The following FAF1 variants were observed in gnomAD, a reference collection of about 807,000 sequenced individuals.
FAF1 encodes Fas associated factor 1, also known as FAS-associated factor 1.
FAF1 carries 25 observed loss-of-function variants against 92.5 expected under a neutral mutation model. The ratio of observed to expected loss-of-function variants is 0.27; its 90% confidence interval spans 0.20 to 0.38. The LOEUF is 0.38. Ranked by LOEUF, FAF1 falls within the 10% of genes least tolerant of loss-of-function variation. The pLI, the probability that FAF1 is intolerant of heterozygous loss-of-function variation, is 1.00. For synonymous variants in FAF1, 234 were observed against 273.2 expected (o/e 0.86, Z 1.42); for missense variants, 636 against 793.3 (o/e 0.80, Z 2.38).
At chr1:50,929,011 G>A (rs1238268016) in intron 1 of FAF1, among the ~76,000 whole-genome samples, 4 of 146,612 alleles carry the variant, frequency 2.7e-5, no homozygotes, top group Non-Finnish European at 4.4e-5. Flanking sequence ...GGCACAGGTT[G>A]CAGTGAGCCA....
chr1:50,846,201 T>C (rs1379565287), intron 2 of FAF1, among the ~76,000 whole-genome samples: 3 of 151,638 alleles, frequency 2.0e-5, no homozygotes, highest in African/African-American at 7.3e-5. Context: ...GTCTATACTA[T>C]GCTACATACG....
intron 1 of FAF1, among the ~76,000 whole-genome samples, chr1:50,867,489 AAAAC>A (rs879900581): frequency 3.3e-5 from 5 of 152,162 alleles, no homozygotes; most frequent in Non-Finnish European, 7.4e-5. Flanking sequence ...CAGCAAGAAA[AAAAC>A]AAACAATCCT....
chr1:50,664,219 A>G lies in FAF1; in HGVS notation c.658-8691T>C, dbSNP rs990021453. ...CACCATGTTGGCCAGGATGGTCTCGATCTCTTGACCTCGTGATCCGCCCAC... is the reference window on the plus strand; with the variant it reads ...CACCATGTTGGCCAGGATGGTCTCGGTCTCTTGACCTCGTGATCCGCCCAC... On this transcript the variant is annotated intron_variant, in intron 7 of 18. Coordinates refer to ENST00000396153, the MANE Select transcript of FAF1 (RefSeq NM_007051.3). 2.7e-5 allele frequency among the ~76,000 whole-genome samples: 4 copies of G among 150,414 alleles called. No homozygotes were observed. In the East Asian group the frequency reaches 8.0e-4, roughly 30 times the overall value.
chr1:50,764,425 C>G (rs892116233), intron 4 of FAF1, among the ~76,000 whole-genome samples: 5 of 152,194 alleles, frequency 3.3e-5, no homozygotes, highest in African/African-American at 9.6e-5. Flanking sequence ...CTGCATGTTT[C>G]CCTATGTAGC....
chr1:50,712,914 C>A (rs895943463), intron 6 of FAF1, among the ~76,000 whole-genome samples: 2 of 151,944 alleles, frequency 1.3e-5, no homozygotes, highest in African/African-American at 4.8e-5. Flanking sequence ...GTAATCTGAA[C>A]ACTTTGGGAG....
chr1:50,761,727 A>G (rs1273653280), intron 4 of FAF1, among the ~76,000 whole-genome samples: 2 of 152,210 alleles, frequency 1.3e-5, no homozygotes, highest in African/African-American at 4.8e-5. Context: ...CCCACAACCA[A>G]TATCATACTG....
chr1:50,487,131 T>C (rs903881715), intron 17 of FAF1, among the ~76,000 whole-genome samples: 1 of 152,224 alleles, frequency 6.6e-6, no homozygotes, highest in Admixed American at 6.5e-5. Flanking sequence ...GGGGTTAGTA[T>C]TCACTACATT....
At chr1:50,894,773 G>A (rs1246332670) in intron 1 of FAF1, among the ~76,000 whole-genome samples, 4 of 152,016 alleles carry the variant, frequency 2.6e-5, no homozygotes, top group Admixed American at 2.0e-4. Flanking sequence ...ATGACCAGTG[G>A]GTCAATGAAC....
intron 7 of FAF1, among the ~76,000 whole-genome samples, chr1:50,684,901 G>A (rs74621392): frequency 1.3e-5 from 2 of 152,104 alleles, no homozygotes; most frequent in Admixed American, 6.5e-5. Flanking sequence ...ACCCCTCCTC[G>A]AAGAGTATAT....
intron 8 of FAF1, among the ~76,000 whole-genome samples, chr1:50,619,327 T>C (rs1653082007): frequency 6.6e-6 from 1 of 152,222 alleles, no homozygotes; most frequent in African/African-American, 2.4e-5. Context: ...TGCTTTTCAG[T>C]GTCTGTGGGC....
chr1:50,616,505 T>G (rs1652919420), intron 8 of FAF1, among the ~76,000 whole-genome samples: 1 of 152,160 alleles, frequency 6.6e-6, no homozygotes, highest in South Asian at 2.1e-4. Flanking sequence ...TCATCTCTGA[T>G]TTCTTTCAGC....
At chr1:50,575,811 T>C (rs1650703727) in intron 12 of FAF1, among the ~76,000 whole-genome samples, 1 of 152,244 alleles carries the variant, frequency 6.6e-6, no homozygotes, top group Admixed American at 6.5e-5. Flanking sequence ...GGATATTGTG[T>C]GGTGAGCTAG....
At chr1:50,878,703 C>G (rs915587322) in intron 1 of FAF1, among the ~76,000 whole-genome samples, 12 of 152,206 alleles carry the variant, frequency 7.9e-5, no homozygotes, top group Middle Eastern at 6.8e-3. Flanking sequence ...TATTATTATG[C>G]CCATTAAAAT....
At chr1:50,512,075 C>G (rs1647143567) in intron 15 of FAF1, among the ~76,000 whole-genome samples, 1 of 152,176 alleles carries the variant, frequency 6.6e-6, no homozygotes, top group South Asian at 2.1e-4. Flanking sequence ...CCCTCACCTA[C>G]TTTTTGATGG....
chr1:50,458,606 A>C (rs1446194778), intron 18 of FAF1, among the ~76,000 whole-genome samples: 1 of 152,220 alleles, frequency 6.6e-6, no homozygotes, highest in Non-Finnish European at 1.5e-5. Context: ...AACACATTTA[A>C]AAAATTCCTT....
At position 50,794,884 on chromosome 1, in the gene FAF1, G is replaced by A. The variant is rs570536993; in HGVS notation, c.162-6679C>T. On this transcript the variant is annotated intron_variant, in intron 3 of 18. Transcript: ENST00000396153. Reference sequence around the variant, plus strand: ...ACTCCTGACCTCAGGCGATCCACCCGCCTTGGCCTCCCAAAGTGCTGGGAT... The same window carrying A: ...ACTCCTGACCTCAGGCGATCCACCCACCTTGGCCTCCCAAAGTGCTGGGAT... 3.3e-4 allele frequency among the ~76,000 whole-genome samples: 49 copies of A among 149,504 alleles called. No individual in the cohort carries two copies. The South Asian group carries it at 4.9e-3, about 15-fold the overall frequency.
Position 50,438,014 on chromosome 1 carries a change from C to A in FAF1, c.*3426G>T, listed in dbSNP as rs1646140906. The A allele has an allele frequency of 8.7e-6, 1 of 114,786 alleles. No individual in the cohort carries two copies. The highest frequency in any genetic ancestry group is 3.7e-5 in the African/African-American group (1 of 27,170). The allele number at this position is 114,786 out of a possible 1,614,324, so 7.1% of individuals were successfully genotyped here. A position where few individuals can be genotyped will look rare whatever the true frequency, so the allele number is the denominator to read the frequency against. On this transcript the variant is annotated 3_prime_UTR_variant, in exon 19 of 19. Transcript: ENST00000396153. ...CTCTAGCCTGAGCGACAGAGCGAGA[C>A]TCTGTCTCAAAAAAAAAAAAAAAAA... is the stretch of plus-strand genomic sequence containing the variant.
At chr1:50,622,164 CAA>C (rs529143892) in intron 8 of FAF1, among the ~76,000 whole-genome samples, 2 of 116,596 alleles carry the variant, frequency 1.7e-5, no homozygotes, top group Admixed American at 9.3e-5. Flanking sequence ...GACTCCATCT[CAA>C]AAAAAAAAAA....
intron 6 of FAF1, among the ~76,000 whole-genome samples, chr1:50,710,485 C>T (rs1454104538): frequency 6.6e-6 from 1 of 152,156 alleles, no homozygotes; most frequent in Non-Finnish European, 1.5e-5. Context: ...ATTCTTTCAA[C>T]CATATTTATT....
Sources: allele counts gnomAD v4.1 joint callset (sites outside exome capture counted in the v4.1 genomes callset), GRCh38; gene constraint gnomAD v4.1.1; transcripts MANE v1.5; gene names NCBI Gene and HGNC (gene_info 2026-07-23, HGNC 2026-07-21).